Variants in CACNA1D observed in about 807,000 individuals in gnomAD.
The protein encoded by CACNA1D is voltage-dependent L-type calcium channel subunit alpha-1D.
In CACNA1D, 55 loss-of-function variants were observed where a neutral mutation model predicts 257.1. The observed-to-expected ratio is 0.21, with a 90% CI of 0.17 to 0.27. The LOEUF (loss-of-function observed/expected upper bound fraction) is 0.27, where lower values mean the gene tolerates loss of function less well. Among genes scored for constraint, CACNA1D ranks in the 10% least tolerant of loss-of-function variants. The probability of loss-of-function intolerance (pLI) is 1.00; values close to 1 mark genes in which losing one functional copy is unlikely to be tolerated. For synonymous variants in CACNA1D, 980 were observed against 1,014.9 expected (o/e 0.97, Z 0.65); for missense variants, 1,876 against 2,784.0 (o/e 0.67, Z 7.34).
chr3:53,660,301 C>T, intron 5 of CACNA1D, 26 bp downstream of exon 5: 1 of 1,612,168 alleles, frequency 6.2e-7, no homozygotes, highest in East Asian at 2.2e-5. Context: ...TTCCTAGAGT[C>T]AGGAGTGTGC....
chr3:53,550,996 CCTAA>C (rs1352748758), intron 3 of CACNA1D, among the ~76,000 whole-genome samples: 15 of 152,130 alleles, frequency 9.9e-5, no homozygotes, highest in African/African-American at 2.4e-4. Flanking sequence ...GTGATTAAGG[CCTAA>C]CTGTTTGCCA....
At chr3:53,640,681 A>G (rs1456337128) in intron 3 of CACNA1D, among the ~76,000 whole-genome samples, 1 of 152,222 alleles carries the variant, frequency 6.6e-6, no homozygotes, top group Non-Finnish European at 1.5e-5. Flanking sequence ...GTTTGTTGAT[A>G]TGATTTACCT....
At chr3:53,498,856 A>G (rs1378622687) in intron 2 of CACNA1D, among the ~76,000 whole-genome samples, 1 of 152,194 alleles carries the variant, frequency 6.6e-6, no homozygotes, top group Admixed American at 6.5e-5. Context: ...TTTGCAGCAG[A>G]TGTCCCTTCT....
At chr3:53,786,588 C>A (rs939694286) in intron 39 of CACNA1D, 1 of 543,374 alleles carries the variant, frequency 1.8e-6, no homozygotes, top group Non-Finnish European at 3.3e-6. Context: ...TTTCTGCAAC[C>A]TAGAGTATCA....
chr3:53,745,263 C>T (rs546189025), intron 23 of CACNA1D, among the ~76,000 whole-genome samples: 4 of 149,940 alleles, frequency 2.7e-5, no homozygotes, highest in Admixed American at 6.6e-5. Flanking sequence ...TTCTTTGAAA[C>T]GGAGTCTTGC....
intron 30 of CACNA1D, among the ~76,000 whole-genome samples, chr3:53,764,471 A>G (rs912457709): frequency 6.6e-6 from 1 of 152,224 alleles, no homozygotes; most frequent in African/African-American, 2.4e-5. Context: ...CAGCACTTCA[A>G]GTGCTGTGCA....
chr3:53,759,676 C>G (rs1423852415), intron 29 of CACNA1D, among the ~76,000 whole-genome samples: 1 of 152,226 alleles, frequency 6.6e-6, no homozygotes, highest in African/African-American at 2.4e-5. Flanking sequence ...TCTGCCCCTC[C>G]AAGTGTGGTC....
intron 21 of CACNA1D, among the ~76,000 whole-genome samples, chr3:53,742,445 T>TA (rs1316803533): frequency 1.3e-5 from 2 of 152,250 alleles, no homozygotes; most frequent in Admixed American, 1.3e-4. Context: ...CCTGGCTTCC[T>TA]AGCCATGCCT....
intron 11 of CACNA1D, among the ~76,000 whole-genome samples, chr3:53,721,691 T>G (rs1025382623): frequency 4.6e-5 from 7 of 152,180 alleles, no homozygotes; most frequent in African/African-American, 1.7e-4. Context: ...GCATCACTAG[T>G]TAGAAAGGGC....
At chr3:53,804,487 C>T (rs2095552030) in intron 44 of CACNA1D, among the ~76,000 whole-genome samples, 1 of 152,206 alleles carries the variant, frequency 6.6e-6, no homozygotes, top group Non-Finnish European at 1.5e-5. Flanking sequence ...ATTGAAATCC[C>T]TCCCCCAACC....
chr3:53,653,877 A>T (rs1215433230), intron 4 of CACNA1D, among the ~76,000 whole-genome samples: 1 of 30,910 alleles, frequency 3.2e-5, no homozygotes, highest in Non-Finnish European at 4.9e-5. Context: ...AAAAAGCCAC[A>T]TCAAGCACAT....
At chr3:53,754,523 C>T (rs977669896) in intron 29 of CACNA1D, among the ~76,000 whole-genome samples, 12 of 152,206 alleles carry the variant, frequency 7.9e-5, no homozygotes, top group African/African-American at 2.7e-4. Context: ...TTCCCATATA[C>T]GCACTGCTTA....
chr3:53,552,526 A>G (rs2092555587), intron 3 of CACNA1D, among the ~76,000 whole-genome samples: 1 of 152,118 alleles, frequency 6.6e-6, no homozygotes, highest in African/African-American at 2.4e-5. Flanking sequence ...GATTAAAGAC[A>G]TGCACCACCA....
chr3:53,677,538 G>A (rs902925363), intron 8 of CACNA1D, among the ~76,000 whole-genome samples: 4 of 152,270 alleles, frequency 2.6e-5, no homozygotes. Flanking sequence ...ACTGGGTTAG[G>A]TGGGAAGGGT....
chr3:53,749,685 AT>A (rs2095207943), intron 27 of CACNA1D, among the ~76,000 whole-genome samples: 3 of 152,246 alleles, frequency 2.0e-5, no homozygotes, highest in Non-Finnish European at 4.4e-5. Flanking sequence ...TATGAAATCC[AT>A]CGCCAGACCT....
intron 3 of CACNA1D, among the ~76,000 whole-genome samples, chr3:53,649,209 T>G (rs2094059879): frequency 6.6e-6 from 1 of 152,202 alleles, no homozygotes. Context: ...AGCAAACATT[T>G]AATAGGTGAC....
At chr3:53,703,815 T>G (rs928573547) in intron 9 of CACNA1D, among the ~76,000 whole-genome samples, 3 of 151,968 alleles carry the variant, frequency 2.0e-5, no homozygotes, top group African/African-American at 7.3e-5. Context: ...GGATGTGGAG[T>G]GCTGCCTCCT....
At chr3:53,694,511 G>A (rs1286537304) in intron 8 of CACNA1D, among the ~76,000 whole-genome samples, 1 of 152,190 alleles carries the variant, frequency 6.6e-6, no homozygotes, top group Non-Finnish European at 1.5e-5. Flanking sequence ...AGCCTGGTTA[G>A]TAACGCTGTT....
chr3:53,732,523 G>C (rs1289309470), intron 18 of CACNA1D, among the ~76,000 whole-genome samples: 1 of 152,144 alleles, frequency 6.6e-6, no homozygotes, highest in Non-Finnish European at 1.5e-5. Flanking sequence ...TGGGAGGTTG[G>C]CAGTGAGAAT....
Sources: allele counts gnomAD v4.1 joint callset (sites outside exome capture counted in the v4.1 genomes callset), GRCh38; gene constraint gnomAD v4.1.1; transcripts MANE v1.5; gene names NCBI Gene and HGNC (gene_info 2026-07-23, HGNC 2026-07-21).